Variants in PIK3C2G observed in about 807,000 individuals in gnomAD.
PIK3C2G encodes the protein phosphatidylinositol 3-kinase C2 domain-containing subunit gamma.
In PIK3C2G, 168 loss-of-function variants were observed where a neutral mutation model predicts 181.1. That is an observed-to-expected ratio of 0.93 (90% confidence interval 0.82 to 1.05). The LOEUF is 1.05. Ranked by LOEUF, PIK3C2G falls within the 50% of genes least tolerant of loss-of-function variation. The pLI is 0.00. For missense variants in PIK3C2G, 1,869 were observed against 1,732.8 expected (o/e 1.08, Z -1.40); for synonymous variants, 573 against 592.2 (o/e 0.97, Z 0.47).
rs1367678661 is a variant in PIK3C2G at position 18,346,777 on chromosome 12, T to G, written c.1566T>G (p.Pro522=). The G allele has an allele frequency of 6.2e-7, 1 of 1,613,614 alleles. No homozygotes were observed. Among genetic ancestry groups the G allele is most frequent in the African/African-American group, 1.3e-5 (1 of 74,916 alleles). The change falls in exon 11 of 33, where the codon CCT becomes CCG. Residue 522 remains proline, a synonymous_variant. Coordinates refer to ENST00000538779, the MANE Select transcript of PIK3C2G (RefSeq NM_001288772.2). ...CTTCCTATCTAAATCCCGGGCTTCC[T>G]TCCCACCTCAGCTTCACAGTGTATG... is the stretch of plus-strand genomic sequence containing the variant. ...RCTSYLNPGL[P]SHLSFTVYAA...
At chr12:18,700,630 A>G in the PIK3C2G span, among the ~76,000 whole-genome samples, 3 of 152,016 alleles carry the variant, frequency 2.0e-5, no homozygotes, top group Non-Finnish European at 1.5e-5. Context: ...CAACACAGAG[A>G]AAGTGGGAGC....
intron 13 of PIK3C2G, among the ~76,000 whole-genome samples, chr12:18,381,028 T>C (rs1442275925): frequency 6.6e-6 from 1 of 152,198 alleles, no homozygotes. Flanking sequence ...TTTACTGATA[T>C]TCTGACTCAT....
the PIK3C2G span, among the ~76,000 whole-genome samples, chr12:18,722,306 T>A: frequency 2.6e-5 from 4 of 152,044 alleles, no homozygotes. Flanking sequence ...CTCCAACCCA[T>A]CAGGAATTCA....
At chr12:18,656,302 G>A in the PIK3C2G span, among the ~76,000 whole-genome samples, 12 of 152,106 alleles carry the variant, frequency 7.9e-5, no homozygotes, top group African/African-American at 2.9e-4. Context: ...AGGTGGCTGG[G>A]CGCAGTGGGT....
chr12:18,304,662 CA>C (rs1437511755), intron 5 of PIK3C2G, among the ~76,000 whole-genome samples: 1 of 152,306 alleles, frequency 6.6e-6, no homozygotes, highest in South Asian at 2.1e-4. Context: ...AAGGCTAAGT[CA>C]TAATATATAC....
chr12:18,283,037 C>A (rs1211940987), intron 2 of PIK3C2G, among the ~76,000 whole-genome samples: 1 of 151,958 alleles, frequency 6.6e-6, no homozygotes, highest in East Asian at 1.9e-4. Context: ...ACCTTCATTT[C>A]ATTGATAAAA....
chr12:18,482,038 T>C (rs1294544828), intron 18 of PIK3C2G, among the ~76,000 whole-genome samples: 2 of 152,166 alleles, frequency 1.3e-5, no homozygotes, highest in African/African-American at 4.8e-5. Flanking sequence ...AAAACCAGGC[T>C]AGATTCTATA....
intron 31 of PIK3C2G, among the ~76,000 whole-genome samples, chr12:18,618,970 A>G (rs1042650472): frequency 2.0e-5 from 3 of 151,984 alleles, no homozygotes; most frequent in Non-Finnish European, 2.9e-5. Context: ...ATATCTAAAG[A>G]TCTTACATTT....
chr12:18,324,891 T>A (rs1951267091), intron 7 of PIK3C2G, 144 bp from the exon 8 acceptor site: 1 of 531,764 alleles, frequency 1.9e-6, no homozygotes, highest in South Asian at 3.0e-5. Flanking sequence ...GAGATGTTTT[T>A]AAAATTATGT....
chr12:18,539,954 T>A (rs984139185), intron 25 of PIK3C2G, among the ~76,000 whole-genome samples: 1 of 151,846 alleles, frequency 6.6e-6, no homozygotes, highest in Non-Finnish European at 1.5e-5. Context: ...TTAGGCCGTT[T>A]TGCAAGTATG....
chr12:18,410,921 T>C (rs1384973205), intron 16 of PIK3C2G, among the ~76,000 whole-genome samples: 1 of 152,184 alleles, frequency 6.6e-6, no homozygotes, highest in Non-Finnish European at 1.5e-5. Context: ...AATCAAGAAC[T>C]GCTTTTTAAT....
At chr12:18,529,244 A>G (rs1009326763) in intron 24 of PIK3C2G, among the ~76,000 whole-genome samples, 1 of 152,134 alleles carries the variant, frequency 6.6e-6, no homozygotes, top group Non-Finnish European at 1.5e-5. Context: ...GCATGCAAAA[A>G]CTAAGTCCAA....
intron 29 of PIK3C2G, among the ~76,000 whole-genome samples, chr12:18,576,186 A>G (rs985381070): frequency 3.3e-5 from 5 of 152,232 alleles, no homozygotes; most frequent in African/African-American, 1.2e-4. Flanking sequence ...CATTCATAGT[A>G]CTTTTAATAT....
At chr12:18,396,403 A>C (rs1454858868) in intron 15 of PIK3C2G, among the ~76,000 whole-genome samples, 1 of 151,728 alleles carries the variant, frequency 6.6e-6, no homozygotes, top group Admixed American at 6.6e-5. Context: ...TATAGTTAGT[A>C]TCATGTTAAA....
chr12:18,376,029 A>T (rs1942414854), intron 13 of PIK3C2G, among the ~76,000 whole-genome samples: 1 of 152,356 alleles, frequency 6.6e-6, no homozygotes, highest in Admixed American at 6.5e-5. Flanking sequence ...TAAGCCTGCT[A>T]CAGGGGCAGA....
intron 1 of PIK3C2G, among the ~76,000 whole-genome samples, chr12:18,265,019 T>C (rs1472232127): frequency 2.0e-5 from 3 of 152,240 alleles, no homozygotes; most frequent in African/African-American, 7.2e-5. Context: ...TAACATTCTC[T>C]TCTCATAGTA....
Position 18,362,777 on chromosome 12 carries a change from T to C in PIK3C2G, c.1639T>C (p.Ser547Pro). Residue 547 changes from serine (S) to proline (P), a missense_variant, in exon 12 of 33, where the codon TCT becomes CCT. Transcript: ENST00000538779. ...GTTTCATTTTAGCTACAAAGCGTTT[T>C]CTTTTACCTGTTGGCTTACATATGC... ...ETWVHSYKAF[S>P]FTCWLTYAGK... is the part of the protein sequence containing the mutation. The C allele has an allele frequency of 6.6e-7, 1 of 1,519,584 alleles. No individual in the cohort carries two copies. The highest frequency in any genetic ancestry group is 8.8e-7 in the Non-Finnish European group (1 of 1,141,930). The allele number at this position is 1,519,584 out of a possible 1,614,324, so 94.1% of individuals were successfully genotyped here. A position where few individuals can be genotyped will look rare whatever the true frequency, so the allele number is the denominator to read the frequency against.
At chr12:18,650,706 A>C (rs867011376), downstream of PIK3C2G, among the ~76,000 whole-genome samples, 1 of 8,368 alleles carries the variant, frequency 1.2e-4, no homozygotes, top group African/African-American at 4.8e-4. Flanking sequence ...GTGTGTGTGT[A>C]TATATCTATA....
At chr12:18,337,949 G>T (rs1174845536) in intron 8 of PIK3C2G, among the ~76,000 whole-genome samples, 1 of 152,124 alleles carries the variant, frequency 6.6e-6, no homozygotes, top group Non-Finnish European at 1.5e-5. Context: ...TTTCTAGTAA[G>T]TTTGCCCAAC....
Sources: allele counts gnomAD v4.1 joint callset (sites outside exome capture counted in the v4.1 genomes callset), GRCh38; gene constraint gnomAD v4.1.1; transcripts MANE v1.5; gene names NCBI Gene and HGNC (gene_info 2026-07-23, HGNC 2026-07-21).